The following MGA variants were observed in gnomAD, a reference collection of about 807,000 sequenced individuals.
The protein encoded by MGA is MAX dimerization protein MGA, also known as MAX gene-associated protein.
In MGA, 40 loss-of-function variants were observed where a neutral mutation model predicts 261.1. That is an observed-to-expected ratio of 0.15 (90% confidence interval 0.12 to 0.20). The LOEUF (loss-of-function observed/expected upper bound fraction) is 0.20. Ranked by LOEUF, MGA falls within the 10% of genes least tolerant of loss-of-function variation. The pLI is 1.00. For missense variants in MGA, 3,397 were observed against 3,630.5 expected, an observed-to-expected ratio of 0.94 and a Z score of 1.65; for synonymous variants, 1,302 against 1,290.6, an observed-to-expected ratio of 1.01 and a Z score of -0.19.
At chr15:41,650,837 C>T (rs945260238) in intron 1 of MGA, among the ~76,000 whole-genome samples, 1 of 152,114 alleles carries the variant, frequency 6.6e-6, no homozygotes, top group African/African-American at 2.4e-5. Context: ...ACATCATGGA[C>T]TTGTAGATTG....
At chr15:41,625,728 A>G (rs570195363) in intron 1 of MGA, among the ~76,000 whole-genome samples, 2 of 152,248 alleles carry the variant, frequency 1.3e-5, no homozygotes, top group South Asian at 2.1e-4. Context: ...AATAAATAAA[A>G]ATAAAAATAA....
chr15:41,688,630 C>T (rs1046725906), intron 2 of MGA, among the ~76,000 whole-genome samples: 1 of 152,006 alleles, frequency 6.6e-6, no homozygotes, highest in Non-Finnish European at 1.5e-5. Flanking sequence ...TTAACCATGT[C>T]ATCTTGCTAT....
At position 41,698,914 on chromosome 15, in the gene MGA, C is replaced by T; in HGVS notation, c.2065C>T (p.Leu689Phe). 2 of 1,549,744 alleles carry T rather than the reference C, an allele frequency of 1.3e-6. No individual in the cohort carries two copies. The highest frequency in any genetic ancestry group is 1.7e-6 in the Non-Finnish European group (2 of 1,146,708). Residue 689 changes from leucine (L) to phenylalanine (F), a missense_variant, in exon 4 of 24, where the codon CTC becomes TTC. Physicochemically the swap from Leu to Phe is conservative, Grantham distance 22. Coordinates refer to ENST00000219905, the MANE Select transcript of MGA (RefSeq NM_001164273.2). ...TGGGACAACAGAAGAATCTTCTAGT[C>T]TCCAGGCATCAACCACAAATGACTC...
upstream of MGA, among the ~76,000 whole-genome samples, chr15:41,657,619 G>T (rs906778055): frequency 6.6e-5 from 10 of 151,648 alleles, no homozygotes; most frequent in East Asian, 3.9e-4. Flanking sequence ...GACTCCCAAA[G>T]TGCTAGGATT....
rs139811643 is a variant in MGA, at chr15:41,710,509, G to A, written c.2426-182G>A. Among the ~76,000 whole-genome samples the A allele has an allele frequency of 5.3e-5, 8 of 152,206 alleles. No individual in the cohort carries two copies. In the South Asian group the frequency reaches 1.0e-3, roughly 20 times the overall value. ...CTTGAACTCCTAGCCTGTAGCGATC[G>A]TTTTGCTTCTTCCTGTCAAAGTACT... On this transcript the variant is annotated intron_variant, in intron 7 of 23. Transcript: ENST00000219905.
intron 1 of MGA, among the ~76,000 whole-genome samples, chr15:41,639,200 T>C (rs1232621033): frequency 1.3e-5 from 2 of 152,180 alleles, no homozygotes; most frequent in Admixed American, 6.6e-5. Flanking sequence ...TTCACCCTTT[T>C]CTTTTGTGTG....
At chr15:41,677,274 T>C (rs1378104943) in intron 2 of MGA, among the ~76,000 whole-genome samples, 1 of 152,168 alleles carries the variant, frequency 6.6e-6, no homozygotes. Context: ...CCAGAGTAGC[T>C]GCGATTACAG....
chr15:41,743,255 T>C (rs1339612158), intron 15 of MGA, 83 bp downstream of exon 15: 29 of 1,408,378 alleles, frequency 2.1e-5, no homozygotes, highest in African/African-American at 2.9e-5. Context: ...ATTATAGATA[T>C]ATCAGGATAA....
At chr15:41,654,643 C>T (rs938899816) in intron 1 of MGA, among the ~76,000 whole-genome samples, 6 of 152,046 alleles carry the variant, frequency 3.9e-5, no homozygotes, top group Non-Finnish European at 7.4e-5. Context: ...TGATTTTTGC[C>T]TAATTCCAAA....
At position 41,760,325 on chromosome 15, in the gene MGA, T is replaced by A; in HGVS notation, c.7194T>A (p.Ala2398=). ...AGGAGGCAATCTTGTTTGGACAGGCTCCACCAATTCCTCTAAAACTGAAGC... is the reference window on the plus strand; with the variant it reads ...AGGAGGCAATCTTGTTTGGACAGGCACCACCAATTCCTCTAAAACTGAAGC... Residue 2398 remains alanine (A), a splice_region_variant and synonymous_variant, in exon 20 of 24, where the codon GCT becomes GCA. Coordinates refer to ENST00000219905, the MANE Select transcript of MGA (RefSeq NM_001164273.2). 1 of 1,613,880 alleles carries A rather than the reference T, an allele frequency of 6.2e-7. No homozygotes were observed.
intron 2 of MGA, among the ~76,000 whole-genome samples, chr15:41,678,817 G>A (rs1317504810): frequency 6.6e-6 from 1 of 151,078 alleles, no homozygotes; most frequent in African/African-American, 2.4e-5. Context: ...CCCATTGAAT[G>A]GTCTTTGCAC....
chr15:41,669,417 T>A lies in MGA; in HGVS notation c.523T>A (p.Ser175Thr). 6.2e-7 allele frequency: 1 copy of A among 1,613,962 alleles called. No individual in the cohort carries two copies. The highest frequency in any genetic ancestry group is 8.5e-7 in the Non-Finnish European group (1 of 1,179,882). The change falls in exon 2 of 24, where the codon TCT (serine) becomes ACT (threonine). Residue 175 changes from serine (S) to threonine (T), a missense_variant. Ser to Thr is a moderately conservative substitution (Grantham distance 58, BLOSUM62 1). This residue lies in a region of MGA where 104 missense variants were observed against 212.9 expected (regional missense o/e 0.49). Transcript: ENST00000219905. ...TCATTATTGGATGCATCAACCAGTA[T>A]CTTTCTATAAACTCAAACTTACCAA...
intron 1 of MGA, among the ~76,000 whole-genome samples, chr15:41,664,419 T>C (rs1386056992): frequency 1.3e-5 from 2 of 152,258 alleles, no homozygotes; most frequent in Admixed American, 6.5e-5. Context: ...TTTTAAAGAA[T>C]TGGTTAAAAC....
intron 13 of MGA, 117 bp from the exon 14 acceptor site, chr15:41,739,789 C>T: frequency 4.9e-6 from 5 of 1,029,566 alleles, no homozygotes; most frequent in South Asian, 1.6e-5. Flanking sequence ...TTCTTTTTCC[C>T]TTTTAAATCT....
At chr15:41,748,532 A>G (rs1595961417) in intron 15 of MGA, 105 bp from the exon 16 acceptor site, 2 of 1,309,094 alleles carry the variant, frequency 1.5e-6, no homozygotes, top group Middle Eastern at 2.2e-4. Flanking sequence ...CTCCAGCCTG[A>G]GCAACAAAGC....
At chr15:41,716,631 G>A (rs2060653171) in intron 9 of MGA, among the ~76,000 whole-genome samples, 1 of 152,040 alleles carries the variant, frequency 6.6e-6, no homozygotes, top group Non-Finnish European at 1.5e-5. Flanking sequence ...CAAAAAGATA[G>A]GTGGAAACTG....
intron 1 of MGA, among the ~76,000 whole-genome samples, chr15:41,621,838 G>T (rs1046459662): frequency 1.3e-5 from 2 of 152,204 alleles, no homozygotes; most frequent in Non-Finnish European, 1.5e-5. Flanking sequence ...GGCCCTGACG[G>T]CCTGAGCGGT....
In MGA at chr15:41,766,082, G is replaced by A. The variant is rs777235479; in HGVS notation, c.8000G>A (p.Gly2667Asp). Residue 2667 changes from glycine (G) to aspartate (D), a missense_variant, in exon 24 of 24, where the codon GGT becomes GAT. By Grantham distance (94) the Gly-to-Asp change is moderately conservative. Around this residue, in one of 9 missense-constraint regions of MGA, gnomAD observed 647 missense variants for 642.4 expected, o/e 1.01. Coordinates refer to ENST00000219905, the MANE Select transcript of MGA (RefSeq NM_001164273.2). The stretch of plus-strand genomic sequence containing the variant: ...ACAGAGGGAGGTTTGGTAGATATGG[G>A]TGGCAGCAAATATCCTCATGAAGTT... 2.5e-6 allele frequency: 4 copies of A among 1,613,908 alleles called. No homozygotes were observed. The South Asian group carries it at 4.4e-5, about 18-fold the overall frequency.
chr15:41,764,893 C>G lies in MGA; in HGVS notation c.7752C>G (p.Thr2584=), dbSNP rs781407866. Residue 2584 remains threonine, a synonymous_variant, in exon 23 of 24, where the codon ACC becomes ACG. Transcript: ENST00000219905. ...TTCTGATCTTTCTTACAGAAAATAC[C>G]TCACCCTTGAACACTCCACACACCT... The G allele has an allele frequency of 3.1e-6, 5 of 1,613,780 alleles. No homozygotes were observed. In the South Asian group the frequency reaches 5.5e-5, roughly 18 times the overall value.
Sources: allele counts gnomAD v4.1 joint callset (sites outside exome capture counted in the v4.1 genomes callset), GRCh38; gene constraint gnomAD v4.1.1; regional missense constraint gnomAD v4.1.1; transcripts MANE v1.5; gene names NCBI Gene and HGNC (gene_info 2026-07-23, HGNC 2026-07-21).